SEC11A: variants seen among roughly 807,000 people sequenced by gnomAD.
SEC11A encodes the protein signal peptidase complex catalytic subunit SEC11A.
In SEC11A, 14 loss-of-function variants were observed where a neutral mutation model predicts 25.6. The ratio of observed to expected loss-of-function variants is 0.55; its 90% confidence interval spans 0.36 to 0.85. The LOEUF (loss-of-function observed/expected upper bound fraction) is 0.85. Among genes scored for constraint, SEC11A ranks in the 40% least tolerant of loss-of-function variants. SEC11A has a pLI of 0.01. For synonymous variants in SEC11A, 83 were observed against 76.4 expected (o/e 1.09, Z -0.45); for missense variants, 153 against 222.9 (o/e 0.69, Z 2.00).
chr15:84,714,585 T>G (rs569193316), intron 1 of SEC11A: 2 of 152,246 alleles, frequency 1.3e-5, no homozygotes, highest in Non-Finnish European at 2.9e-5. Flanking sequence ...TTAAGTAATC[T>G]GCTCAAAGTC....
chr15:84,679,876 T>G, intron 4 of SEC11A: 1 of 1,253,450 alleles, frequency 8.0e-7, no homozygotes, highest in Non-Finnish European at 1.1e-6. Context: ...TTGTTAATAC[T>G]ATTAATTACA....
intron 4 of SEC11A, chr15:84,679,260 A>G: frequency 7.9e-7 from 1 of 1,266,754 alleles, no homozygotes; most frequent in Non-Finnish European, 1.0e-6. Flanking sequence ...GAAGATGGGG[A>G]CTAGTATTTC....
chr15:84,702,530 C>T (rs1178586919), intron 1 of SEC11A, among the ~76,000 whole-genome samples: 1 of 151,922 alleles, frequency 6.6e-6, no homozygotes, highest in East Asian at 1.9e-4. Context: ...GTTTCAAACT[C>T]CTGGGCTCAA....
intron 1 of SEC11A, among the ~76,000 whole-genome samples, chr15:84,701,265 G>A (rs1485628913): frequency 6.6e-6 from 1 of 151,506 alleles, no homozygotes; most frequent in Non-Finnish European, 1.5e-5. Context: ...TTGAGCCTAT[G>A]AGTTTGAGAC....
At chr15:84,693,948 A>C (rs1172805988) in intron 1 of SEC11A, among the ~76,000 whole-genome samples, 1 of 152,214 alleles carries the variant, frequency 6.6e-6, no homozygotes, top group African/African-American at 2.4e-5. Context: ...ATAAGTATAC[A>C]TAGAACAAAT....
At position 84,680,701 on chromosome 15, in the gene SEC11A, C is replaced by G. The variant is rs747758096; in HGVS notation, c.431+12G>C. ...GATATAAAAAGTTTGAGATGCTCCCCTCTATACTTACCCCCTGGCTCTCCC... is the reference window on the plus strand; with the variant it reads ...GATATAAAAAGTTTGAGATGCTCCCGTCTATACTTACCCCCTGGCTCTCCC... On this transcript the variant is annotated intron_variant, in intron 4 of 5. Coordinates refer to ENST00000268220, the MANE Select transcript of SEC11A (RefSeq NM_014300.4). 6.2e-7 allele frequency: 1 copy of G among 1,607,132 alleles called. No individual in the cohort carries two copies. The highest frequency in any genetic ancestry group is 8.5e-7 in the Non-Finnish European group (1 of 1,176,394).
At chr15:84,701,487 AC>A (rs1897940074) in intron 1 of SEC11A, among the ~76,000 whole-genome samples, 1 of 151,362 alleles carries the variant, frequency 6.6e-6, no homozygotes, top group South Asian at 2.1e-4. Context: ...TATATTTTAT[AC>A]TTATTGAGAT....
At chr15:84,698,974 A>G (rs1858022376) in intron 1 of SEC11A, among the ~76,000 whole-genome samples, 1 of 152,186 alleles carries the variant, frequency 6.6e-6, no homozygotes, top group Admixed American at 6.5e-5. Context: ...ACTCAGGAAT[A>G]CAAAGGAATT....
intron 1 of SEC11A, among the ~76,000 whole-genome samples, chr15:84,713,494 C>T (rs1898353122): frequency 6.6e-6 from 1 of 152,156 alleles, no homozygotes; most frequent in African/African-American, 2.4e-5. Flanking sequence ...TTTCATAACT[C>T]TCCCTCACCC....
chr15:84,683,236 T>G lies in SEC11A; in HGVS notation c.312-2404A>C, dbSNP rs570114491. Among the ~76,000 whole-genome samples the G allele has an allele frequency of 3.9e-5, 6 of 152,086 alleles. No homozygotes were observed. In the East Asian group the frequency reaches 1.2e-3, roughly 29 times the overall value. On this transcript the variant is annotated intron_variant, in intron 3 of 5. Transcript: ENST00000268220. ...GGAACAGCAGGAAGGAAAACTGAAT[T>G]CAACCCAGAAAACAATATCAACTCC... is the stretch of plus-strand genomic sequence containing the variant.
At chr15:84,686,437 C>G (rs1466310165) in intron 3 of SEC11A, 1 of 152,202 alleles carries the variant, frequency 6.6e-6, no homozygotes, top group Non-Finnish European at 1.5e-5. Context: ...AAGGTGAAAC[C>G]CTGTCTCTAC....
intron 1 of SEC11A, among the ~76,000 whole-genome samples, chr15:84,698,262 G>T (rs1005060669): frequency 3.3e-5 from 5 of 152,098 alleles, no homozygotes; most frequent in Non-Finnish European, 5.9e-5. Context: ...TCCTATTCTT[G>T]TAAGAGATAT....
At chr15:84,700,984 CAAAAA>C (rs57015135) in intron 1 of SEC11A, among the ~76,000 whole-genome samples, 1 of 78,034 alleles carries the variant, frequency 1.3e-5, no homozygotes, top group African/African-American at 5.5e-5. Flanking sequence ...AACTCCATAT[CAAAAA>C]AAAAAAAAAA....
At chr15:84,712,206 C>T (rs1337649542) in intron 1 of SEC11A, among the ~76,000 whole-genome samples, 3 of 151,554 alleles carry the variant, frequency 2.0e-5, no homozygotes, top group African/African-American at 7.3e-5. Flanking sequence ...TATGCTACTG[C>T]ACTCCAGCCT....
At chr15:84,710,901 G>C (rs569370868) in intron 1 of SEC11A, among the ~76,000 whole-genome samples, 2 of 151,528 alleles carry the variant, frequency 1.3e-5, no homozygotes, top group Admixed American at 1.3e-4. Context: ...GTGAAACCCC[G>C]TCTCTACTAA....
intron 3 of SEC11A, among the ~76,000 whole-genome samples, chr15:84,681,501 G>A (rs1180703253): frequency 3.3e-5 from 5 of 152,100 alleles, no homozygotes; most frequent in Non-Finnish European, 7.3e-5. Flanking sequence ...ATGGTGGTGG[G>A]TGCCTGTAGT....
chr15:84,713,092 G>C (rs891815000), intron 1 of SEC11A, among the ~76,000 whole-genome samples: 3 of 151,798 alleles, frequency 2.0e-5, no homozygotes, highest in Non-Finnish European at 2.9e-5. Context: ...TACTTGGGAG[G>C]CTGAGGCAGG....
chr15:84,673,969 G>A (rs1286202978), intron 4 of SEC11A: 1 of 151,886 alleles, frequency 6.6e-6, no homozygotes, highest in Admixed American at 6.6e-5. Flanking sequence ...ATCTTTCCCA[G>A]ACCAACTAAG....
chr15:84,698,126 T>C (rs1195780631), intron 1 of SEC11A, among the ~76,000 whole-genome samples: 1 of 152,062 alleles, frequency 6.6e-6, no homozygotes, highest in Non-Finnish European at 1.5e-5. Context: ...AAGAAAAACC[T>C]AACACAGAAA....
Sources: allele counts gnomAD v4.1 joint callset (sites outside exome capture counted in the v4.1 genomes callset), GRCh38; gene constraint gnomAD v4.1.1; transcripts MANE v1.5; gene names NCBI Gene and HGNC (gene_info 2026-07-23, HGNC 2026-07-21).